The following INIP variants were observed in gnomAD, a reference collection of about 807,000 sequenced individuals.
The protein encoded by INIP is INTS3 and NABP interacting protein.
INIP carries 9 observed loss-of-function variants against 14.0 expected under a neutral mutation model. That is an observed-to-expected ratio of 0.64 (90% CI 0.39 to 1.12). The LOEUF is 1.12. Ranked by LOEUF, INIP falls within the 50% of genes most tolerant of loss-of-function variation. The probability of loss-of-function intolerance (pLI) is 0.01; values close to 1 mark genes in which losing one functional copy is unlikely to be tolerated. For missense variants in INIP, 78 were observed against 122.7 expected (o/e 0.64, Z 1.72); for synonymous variants, 37 against 41.5 (o/e 0.89, Z 0.41).
chr9:112,695,331 G>A (rs1424635141), intron 2 of INIP, among the ~76,000 whole-genome samples: 3 of 151,648 alleles, frequency 2.0e-5, no homozygotes, highest in Non-Finnish European at 4.4e-5. Flanking sequence ...GAATGAATAT[G>A]GGAGGAAAGC....
At chr9:112,705,110 CAAAAAAAAAAA>C (rs1194911436) in intron 2 of INIP, among the ~76,000 whole-genome samples, 3 of 46,038 alleles carry the variant, frequency 6.5e-5, no homozygotes, top group African/African-American at 9.3e-5. Context: ...GACCCTGTCT[CAAAAAAAAAAA>C]AAAAAAAAAA....
chr9:112,716,771 C>G (rs1838832354), intron 1 of INIP, among the ~76,000 whole-genome samples: 2 of 151,714 alleles, frequency 1.3e-5, no homozygotes, highest in African/African-American at 4.8e-5. Context: ...ATGGTGAAAC[C>G]CAGTCTCTAC....
chr9:112,713,844 C>G lies in INIP; in HGVS notation c.25+2617G>C, dbSNP rs534454358. 7.9e-5 allele frequency among the ~76,000 whole-genome samples: 12 copies of G among 152,124 alleles called. No individual in the cohort carries two copies. The South Asian group carries it at 2.5e-3, about 32-fold the overall frequency. ...CGTTTCTACAAAAAAATTAGCCAGG[C>G]GCAGTGGCACGCGCCTGTAATCCCA... is the stretch of plus-strand genomic sequence containing the variant. On this transcript the variant is annotated intron_variant, in intron 2 of 4. Transcript: ENST00000374242.
chr9:112,688,276 C>T (rs968596511), intron 4 of INIP, among the ~76,000 whole-genome samples: 2 of 152,038 alleles, frequency 1.3e-5, no homozygotes, highest in Non-Finnish European at 1.5e-5. Flanking sequence ...AAGACATGAA[C>T]TGTTTTGTTC....
In INIP at chr9:112,685,263, A is replaced by G. The variant is rs1299767091; in HGVS notation, c.*2275T>C. The stretch of plus-strand genomic sequence containing the variant: ...TAGCCAATCTTTTTTTTTTTTTTTT[A>G]ATTTTTTAGTAGAGACAGGGGTCTC... On this transcript the variant is annotated 3_prime_UTR_variant, in exon 5 of 5. Coordinates refer to ENST00000374242, the MANE Select transcript of INIP (RefSeq NM_021218.3). 1 of 139,946 alleles carries G rather than the reference A, an allele frequency of 7.1e-6. No homozygotes were observed. The highest frequency in any genetic ancestry group is 2.7e-5 in the African/African-American group (1 of 37,478). 8.7% of individuals were successfully genotyped at this position (139,946 alleles called of 1,614,324 possible).
At position 112,685,345 on chromosome 9, in the gene INIP, C is replaced by G. The variant is rs1272776931; in HGVS notation, c.*2193G>C. 7 of 151,644 alleles carry G rather than the reference C, an allele frequency of 4.6e-5. No homozygotes were observed. The highest frequency in any genetic ancestry group is 1.0e-4 in the Non-Finnish European group (7 of 68,000). 9.4% of individuals were successfully genotyped at this position (151,644 alleles called of 1,614,324 possible). A position where few individuals can be genotyped will look rare whatever the true frequency, so the allele number is the denominator to read the frequency against. ...AACTATTGGTGTACCAGAATAGGATCCTCTGCACGGTGACCTCCTAAAAGA... is the reference window on the plus strand; with the variant it reads ...AACTATTGGTGTACCAGAATAGGATGCTCTGCACGGTGACCTCCTAAAAGA... On this transcript the variant is annotated 3_prime_UTR_variant, in exon 5 of 5. Coordinates refer to ENST00000374242, the MANE Select transcript of INIP (RefSeq NM_021218.3).
chr9:112,696,919 A>G (rs1418646104), intron 2 of INIP, among the ~76,000 whole-genome samples: 1 of 152,202 alleles, frequency 6.6e-6, no homozygotes, highest in Non-Finnish European at 1.5e-5. Context: ...ACATTCAGCT[A>G]TCCAGAAGCT....
At chr9:112,713,576 C>T (rs566361968) in intron 2 of INIP, among the ~76,000 whole-genome samples, 2 of 152,140 alleles carry the variant, frequency 1.3e-5, no homozygotes, top group East Asian at 1.9e-4. Context: ...GCATGCAGTC[C>T]CACCACTTTG....
At chr9:112,693,844 G>A (rs1837978956) in intron 3 of INIP, among the ~76,000 whole-genome samples, 1 of 152,338 alleles carries the variant, frequency 6.6e-6, no homozygotes, top group South Asian at 2.1e-4. Context: ...GGAGACCAAG[G>A]CGGGTGGATC....
rs1837640373 is a variant in INIP at position 112,685,768 on chromosome 9, G to A, written c.*1770C>T. The A allele has an allele frequency of 6.6e-6, 1 of 152,230 alleles. No homozygotes were observed. Among genetic ancestry groups the A allele is most frequent in the South Asian group, 2.1e-4 (1 of 4,824 alleles). The allele number at this position is 152,230 out of a possible 1,614,324, so 9.4% of individuals were successfully genotyped here. On this transcript the variant is annotated 3_prime_UTR_variant, in exon 5 of 5. Coordinates refer to ENST00000374242, the MANE Select transcript of INIP (RefSeq NM_021218.3). ...CCATAAGGAGGCCCAAGGAGTAGTT[G>A]GATGGACCTGAGGAAGGACAGGAGC...
chr9:112,702,806 G>A (rs1274918761), intron 2 of INIP, among the ~76,000 whole-genome samples: 1 of 152,036 alleles, frequency 6.6e-6, no homozygotes, highest in Non-Finnish European at 1.5e-5. Flanking sequence ...CTTGTGATCT[G>A]CCCACCTCAG....
At chr9:112,708,258 G>A (rs1345833110) in intron 2 of INIP, among the ~76,000 whole-genome samples, 1 of 152,176 alleles carries the variant, frequency 6.6e-6, no homozygotes, top group Admixed American at 6.5e-5. Context: ...AGGAAGTGAT[G>A]CTTGAACTGA....
intron 2 of INIP, among the ~76,000 whole-genome samples, chr9:112,700,050 A>C (rs1838238458): frequency 6.6e-6 from 1 of 152,192 alleles, no homozygotes; most frequent in Non-Finnish European, 1.5e-5. Context: ...GAAATAAAAA[A>C]TATTTAATTT....
intron 2 of INIP, among the ~76,000 whole-genome samples, chr9:112,699,339 A>C (rs1361874681): frequency 6.6e-6 from 1 of 152,116 alleles, no homozygotes; most frequent in Non-Finnish European, 1.5e-5. Context: ...AATTTTAAAA[A>C]AGATTCTTTC....
chr9:112,687,279 T>G lies in INIP; in HGVS notation c.*259A>C. On this transcript the variant is annotated 3_prime_UTR_variant, in exon 5 of 5. Transcript: ENST00000374242. Reference sequence around the variant, plus strand: ...GACTTCGTGACCATCCAGTTCACAGTCTGATTGAGAGTTAAACAGCATTAC... The same window carrying G: ...GACTTCGTGACCATCCAGTTCACAGGCTGATTGAGAGTTAAACAGCATTAC... The G allele has an allele frequency of 3.2e-6, 1 of 310,530 alleles. No individual in the cohort carries two copies. The highest frequency in any genetic ancestry group is 2.1e-5 in the African/African-American group (1 of 47,286). 19.2% of individuals were successfully genotyped at this position (310,530 alleles called of 1,614,324 possible).
At chr9:112,715,482 C>G (rs1471850108) in intron 2 of INIP, among the ~76,000 whole-genome samples, 2 of 152,128 alleles carry the variant, frequency 1.3e-5, no homozygotes, top group African/African-American at 4.8e-5. Context: ...GCTTAAAACA[C>G]AAAACACTGG....
Position 112,686,119 on chromosome 9 carries a change from C to T in INIP, c.*1419G>A, listed in dbSNP as rs1422158231. 1 of 151,844 alleles carries T rather than the reference C, an allele frequency of 6.6e-6. No individual in the cohort carries two copies. The highest frequency in any genetic ancestry group is 1.5e-5 in the Non-Finnish European group (1 of 67,950). 9.4% of individuals were successfully genotyped at this position (151,844 alleles called of 1,614,324 possible). The stretch of plus-strand genomic sequence containing the variant: ...CCACCAGAGAGGATGGGACTCAAGG[C>T]CAAGATAAGGTCAGTTACAAAAAGT... On this transcript the variant is annotated 3_prime_UTR_variant, in exon 5 of 5. Transcript: ENST00000374242.
In INIP at chr9:112,716,547, A is replaced by T; in HGVS notation, c.-56-6T>A. 1 of 1,398,466 alleles carries T rather than the reference A, an allele frequency of 7.2e-7. No homozygotes were observed. Among genetic ancestry groups the T allele is most frequent in the Non-Finnish European group, 1.0e-6 (1 of 983,418 alleles). 86.6% of individuals were successfully genotyped at this position (1,398,466 alleles called of 1,614,324 possible). On this transcript the variant is annotated splice_region_variant and splice_polypyrimidine_tract_variant and intron_variant, in intron 1 of 4. Coordinates refer to ENST00000374242, the MANE Select transcript of INIP (RefSeq NM_021218.3). ...GGTCAGCACTTCACAATCACCTATA[A>T]AATATGTGTACACACATATACAATG...
rs1838402512 is a variant in INIP at position 112,704,674 on chromosome 9, T to G, written c.26-10441A>C. 2.0e-5 allele frequency among the ~76,000 whole-genome samples: 3 copies of G among 152,330 alleles called. No individual in the cohort carries two copies. In the East Asian group the frequency reaches 5.8e-4, roughly 29 times the overall value. On this transcript the variant is annotated intron_variant, in intron 2 of 4. Coordinates refer to ENST00000374242, the MANE Select transcript of INIP (RefSeq NM_021218.3). ...ATCAAATCCATCAACAACTCTGAAC[T>G]CTCAGTAATTTGAAATTTTGCTTTG...
Sources: allele counts gnomAD v4.1 joint callset (sites outside exome capture counted in the v4.1 genomes callset), GRCh38; gene constraint gnomAD v4.1.1; transcripts MANE v1.5; gene names NCBI Gene and HGNC (gene_info 2026-07-23, HGNC 2026-07-21).